The following SAMM50 variants were observed in gnomAD, a reference collection of about 807,000 sequenced individuals.
The protein encoded by SAMM50 is SAMM50 sorting and assembly machinery component, also known as sorting and assembly machinery component 50 homolog.
A neutral mutation model predicts 66.9 loss-of-function variants in SAMM50; 47 were observed. That is an observed-to-expected ratio of 0.70 (90% CI 0.56 to 0.90). The LOEUF (loss-of-function observed/expected upper bound fraction) is 0.90. Ranked by LOEUF, SAMM50 falls within the 40% of genes least tolerant of loss-of-function variation. The probability of loss-of-function intolerance (pLI) is 0.00; values close to 1 mark genes in which losing one functional copy is unlikely to be tolerated. For missense variants in SAMM50, 535 were observed against 595.3 expected, an observed-to-expected ratio of 0.90 and a Z score of 1.05; for synonymous variants, 191 against 214.1, an observed-to-expected ratio of 0.89 and a Z score of 0.94.
intron 10 of SAMM50, 85 bp from the exon 11 acceptor site, chr22:43,981,306 A>T: frequency 9.7e-7 from 1 of 1,035,856 alleles, no homozygotes. Flanking sequence ...ACGGGCATTC[A>T]GTGTGTGGCC....
chr22:43,963,913 T>A (rs536400270), intron 2 of SAMM50, among the ~76,000 whole-genome samples: 10 of 151,878 alleles, frequency 6.6e-5, no homozygotes, highest in South Asian at 2.1e-4. Flanking sequence ...TTTTTATTTT[T>A]AAAATTTTTT....
At chr22:43,977,780 G>A (rs1421061835) in intron 9 of SAMM50, 92 bp from the exon 10 acceptor site, 10 of 860,114 alleles carry the variant, frequency 1.2e-5, no homozygotes, top group Admixed American at 2.7e-5. Context: ...AATACAAAAC[G>A]GCAAAATTAA....
chr22:43,965,361 A>G (rs1173826787), intron 3 of SAMM50, among the ~76,000 whole-genome samples: 2 of 151,912 alleles, frequency 1.3e-5, no homozygotes, highest in African/African-American at 4.8e-5. Context: ...GTGCACCACC[A>G]CACCTGGCTA....
intron 7 of SAMM50, among the ~76,000 whole-genome samples, chr22:43,974,111 A>G (rs1404087137): frequency 2.0e-5 from 3 of 151,780 alleles, no homozygotes; most frequent in Non-Finnish European, 4.4e-5. Flanking sequence ...GAGATAGAAT[A>G]CTATGTAAGA....
intron 10 of SAMM50, among the ~76,000 whole-genome samples, chr22:43,980,164 T>TCCATCCATCCATC (rs2050257289): frequency 8.3e-4 from 3 of 3,610 alleles, no homozygotes; most frequent in African/African-American, 3.0e-3. Context: ...ATCCATCCAT[T>TCCATCCATCCATC]CACCCACCCA....
chr22:43,987,453 G>A (rs1888049959), intron 12 of SAMM50: 3 of 152,338 alleles, frequency 2.0e-5, no homozygotes. Flanking sequence ...CATTTATAAA[G>A]CTTGGAAGCA....
chr22:43,993,570 G>T (rs2050337124), intron 14 of SAMM50, among the ~76,000 whole-genome samples: 1 of 152,228 alleles, frequency 6.6e-6, no homozygotes, highest in Non-Finnish European at 1.5e-5. Flanking sequence ...CAGGCTATAA[G>T]GAAGTGCCTC....
At chr22:43,960,122 T>G (rs368516310) in intron 1 of SAMM50, among the ~76,000 whole-genome samples, 1 of 152,242 alleles carries the variant, frequency 6.6e-6, no homozygotes, top group Non-Finnish European at 1.5e-5. Context: ...TAAAGCATTT[T>G]TGCTAGGCAT....
intron 1 of SAMM50, among the ~76,000 whole-genome samples, chr22:43,960,898 G>A (rs1472134990): frequency 2.0e-5 from 3 of 152,230 alleles, no homozygotes; most frequent in Non-Finnish European, 4.4e-5. Context: ...TATTCTGGAA[G>A]AGGGGGCAAG....
intron 3 of SAMM50, among the ~76,000 whole-genome samples, chr22:43,967,848 A>G (rs919421715): frequency 1.3e-5 from 2 of 152,170 alleles, no homozygotes; most frequent in Non-Finnish European, 2.9e-5. Context: ...TCCAATAAGA[A>G]TGGACTCCGT....
chr22:43,964,419 T>A (rs1178241550), intron 2 of SAMM50, 33 bp from the exon 3 acceptor site: 1 of 1,143,470 alleles, frequency 8.7e-7, no homozygotes, highest in Admixed American at 1.8e-5. Flanking sequence ...TTGCCTCATG[T>A]CATCCCTAAT....
intron 12 of SAMM50, 67 bp from the exon 13 acceptor site, chr22:43,989,044 G>T: frequency 2.0e-6 from 3 of 1,527,512 alleles, no homozygotes; most frequent in Non-Finnish European, 2.7e-6. Context: ...TCTGTAAGTT[G>T]TGGAAAGTTA....
intron 10 of SAMM50, among the ~76,000 whole-genome samples, chr22:43,979,595 A>G (rs1379709385): frequency 6.7e-6 from 1 of 149,902 alleles, no homozygotes; most frequent in Non-Finnish European, 1.5e-5. Context: ...CCCCCTCTAC[A>G]CTATGGACAT....
chr22:43,969,400 T>C (rs1165961956), intron 4 of SAMM50, among the ~76,000 whole-genome samples: 1 of 152,218 alleles, frequency 6.6e-6, no homozygotes, highest in African/African-American at 2.4e-5. Flanking sequence ...GCCAGCCCTG[T>C]GCAGGCCCCA....
At position 43,963,899 on chromosome 22, in the gene SAMM50, GT is replaced by G. The variant is rs760201169; in HGVS notation, c.132+511del. On this transcript the variant is annotated intron_variant, in intron 2 of 14. Coordinates refer to ENST00000350028, the MANE Select transcript of SAMM50 (RefSeq NM_015380.5). ...TAGAGGATGCATACAGTTTTGTTTTGTTTTTTTTATTTTTAAAATTTTTTTT... is the reference window on the plus strand; with the variant it reads ...TAGAGGATGCATACAGTTTTGTTTTGTTTTTTTATTTTTAAAATTTTTTTT... 6.6e-5 allele frequency among the ~76,000 whole-genome samples: 10 copies of G among 151,584 alleles called. No homozygotes were observed. In the East Asian group the frequency reaches 1.2e-3, roughly 18 times the overall value.
chr22:43,961,563 C>G (rs1424306573), intron 1 of SAMM50, among the ~76,000 whole-genome samples: 1 of 152,136 alleles, frequency 6.6e-6, no homozygotes, highest in East Asian at 1.9e-4. Context: ...GATTCTCCTG[C>G]CTTACCCTTC....
intron 4 of SAMM50, 53 bp from the exon 5 acceptor site, chr22:43,972,183 C>A: frequency 1.7e-6 from 2 of 1,173,280 alleles, no homozygotes; most frequent in Non-Finnish European, 2.4e-6. Context: ...CAATGGGAAC[C>A]CAAAGTAAAA....
chr22:43,968,876 GTTT>G, intron 4 of SAMM50, 58 bp downstream of exon 4: 2 of 1,229,832 alleles, frequency 1.6e-6, no homozygotes, highest in Non-Finnish European at 1.2e-6. Flanking sequence ...GAGAAAAGCT[GTTT>G]TTATGGCCAG....
chr22:43,980,846 T>C (rs963502287), intron 10 of SAMM50, among the ~76,000 whole-genome samples: 1 of 152,196 alleles, frequency 6.6e-6, no homozygotes, highest in Admixed American at 6.5e-5. Flanking sequence ...TTTTGTGGCA[T>C]GAAGATGGGC....
Sources: allele counts gnomAD v4.1 joint callset (sites outside exome capture counted in the v4.1 genomes callset), GRCh38; gene constraint gnomAD v4.1.1; transcripts MANE v1.5; gene names NCBI Gene and HGNC (gene_info 2026-07-23, HGNC 2026-07-21).